Variants in ZSWIM5 observed in about 807,000 individuals in gnomAD.
ZSWIM5 encodes zinc finger SWIM-type containing 5, also known as zinc finger SWIM domain-containing protein 5.
Under a neutral mutation model 119.6 loss-of-function variants are expected in ZSWIM5, and 55 were observed. The ratio of observed to expected loss-of-function variants is 0.46; its 90% CI spans 0.37 to 0.58. The LOEUF is 0.58. Among genes scored for constraint, ZSWIM5 ranks in the 20% least tolerant of loss-of-function variants. The pLI is 0.00. For synonymous variants in ZSWIM5, 537 were observed against 606.9 expected, an observed-to-expected ratio of 0.88 and a Z score of 1.69; for missense variants, 1,193 against 1,512.8, an observed-to-expected ratio of 0.79 and a Z score of 3.51.
chr1:45,121,605 T>C (rs1228403150), intron 1 of ZSWIM5, among the ~76,000 whole-genome samples: 15 of 130,884 alleles, frequency 1.1e-4, no homozygotes, highest in East Asian at 7.3e-4. Context: ...TCTTCTTCTT[T>C]TTTTTTTTTT....
chr1:45,044,804 A>AAT lies in ZSWIM5; in HGVS notation c.1433-1411_1433-1410dup, dbSNP rs1239066301. On this transcript the variant is annotated intron_variant, in intron 5 of 13. Transcript: ENST00000359600. ...ATATATATATAAATATATATATATA[A>AAT]ATATATATATATATATAAATATATA... Among the ~76,000 whole-genome samples, 9 of 2,352 alleles carry AAT rather than the reference A, an allele frequency of 3.8e-3. 3 individuals are homozygous for AAT. The highest frequency in any genetic ancestry group is 0.018 in the Admixed American group (1 of 56). 1.5% of individuals were successfully genotyped at this position (2,352 alleles called of 152,430 possible).
At chr1:45,054,055 G>A (rs1469122291) in intron 4 of ZSWIM5, among the ~76,000 whole-genome samples, 1 of 152,062 alleles carries the variant, frequency 6.6e-6, no homozygotes, top group Non-Finnish European at 1.5e-5. Flanking sequence ...GGCTGAGGTG[G>A]AGGATCACAA....
chr1:45,183,283 A>G (rs952324854), intron 1 of ZSWIM5, among the ~76,000 whole-genome samples: 2 of 151,594 alleles, frequency 1.3e-5, no homozygotes, highest in Admixed American at 6.6e-5. Flanking sequence ...CTAAATGCCC[A>G]CAAGAGAAAG....
chr1:45,087,904 T>G lies in ZSWIM5; in HGVS notation c.929A>C (p.Asn310Thr). The change falls in exon 2 of 14, where the codon AAC becomes ACC. Residue 310 changes from asparagine (N) to threonine (T), a missense_variant. Physicochemically the swap from Asn to Thr is moderately conservative, Grantham distance 65 (BLOSUM62 0). Coordinates refer to ENST00000359600, the MANE Select transcript of ZSWIM5 (RefSeq NM_020883.2). Reference protein sequence around the residue: ...QKLADEILSSNSEINQVNGAP... With the variant: ...QKLADEILSSTSEINQVNGAP... The stretch of plus-strand genomic sequence containing the variant: ...ACCATTCACTTGGTTGATTTCTGAG[T>G]TGGAGGATAGAATCTCATCTGCCAG... The G allele has an allele frequency of 1.2e-6, 2 of 1,609,058 alleles. No individual in the cohort carries two copies. Among genetic ancestry groups the G allele is most frequent in the Non-Finnish European group, 1.7e-6 (2 of 1,177,186 alleles).
rs544994661 is a variant in ZSWIM5 at position 45,088,688 on chromosome 1, C to T, written c.596-451G>A. ...TAGATGTCACAAATGAAAGAGAATC[C>T]AAAATGCCATGAGGAAGGACAGAAG... On this transcript the variant is annotated intron_variant, in intron 1 of 13. Coordinates refer to ENST00000359600, the MANE Select transcript of ZSWIM5 (RefSeq NM_020883.2). This position sits in a 1 kb window ranked among gnomAD's most constrained non-coding sequence, Gnocchi z 4.2. 1.7e-4 allele frequency among the ~76,000 whole-genome samples: 26 copies of T among 151,994 alleles called. No homozygotes were observed. The East Asian group carries it at 4.1e-3, about 24-fold the overall frequency.
intron 1 of ZSWIM5, among the ~76,000 whole-genome samples, chr1:45,106,400 G>A (rs1277711630): frequency 6.8e-6 from 1 of 146,678 alleles, no homozygotes; most frequent in Non-Finnish European, 1.5e-5. Context: ...GGGAAGTGAG[G>A]AGCGCCTCTG....
At chr1:45,099,666 C>A (rs1247102092) in intron 1 of ZSWIM5, among the ~76,000 whole-genome samples, 1 of 152,084 alleles carries the variant, frequency 6.6e-6, no homozygotes, top group Non-Finnish European at 1.5e-5. Context: ...ACTGGCAAAC[C>A]GAATCCAGCA....
intron 1 of ZSWIM5, among the ~76,000 whole-genome samples, chr1:45,186,432 A>C (rs1246654819): frequency 5.9e-5 from 9 of 151,308 alleles, no homozygotes; most frequent in Admixed American, 5.3e-4. Flanking sequence ...TAATAATAAA[A>C]TCCCTTGAAC....
At chr1:45,050,165 G>A (rs907988760) in intron 5 of ZSWIM5, among the ~76,000 whole-genome samples, 7 of 152,062 alleles carry the variant, frequency 4.6e-5, no homozygotes, top group Non-Finnish European at 7.4e-5. Flanking sequence ...GACCAGGCTG[G>A]CCAACATGGC....
intron 5 of ZSWIM5, among the ~76,000 whole-genome samples, chr1:45,045,145 A>C (rs1287027293): frequency 6.6e-6 from 1 of 151,972 alleles, no homozygotes; most frequent in Non-Finnish European, 1.5e-5. Flanking sequence ...TCAACTCTTA[A>C]GGGTGGTATG....
intron 1 of ZSWIM5, among the ~76,000 whole-genome samples, chr1:45,181,438 A>T (rs1409902003): frequency 6.6e-6 from 1 of 152,168 alleles, no homozygotes; most frequent in Non-Finnish European, 1.5e-5. Flanking sequence ...ACTATGTGAA[A>T]AGACCAAATC....
Position 45,205,969 on chromosome 1 carries a change from C to G in ZSWIM5, c.382G>C (p.Gly128Arg). 1 of 1,380,682 alleles carries G rather than the reference C, an allele frequency of 7.2e-7. No individual in the cohort carries two copies. The highest frequency in any genetic ancestry group is 9.4e-7 in the Non-Finnish European group (1 of 1,065,728). The allele number at this position is 1,380,682 out of a possible 1,614,324, so 85.5% of individuals were successfully genotyped here. A position where few individuals can be genotyped will look rare whatever the true frequency, so the allele number is the denominator to read the frequency against. Reference protein sequence around the residue: ...RGGPGAGAAGGAAGASPAEEG... With the variant: ...RGGPGAGAAGRAAGASPAEEG... ...TCGGCCGGCGAAGCCCCCGCGGCGC[C>G]GCCAGCAGCGCCGGCGCCGGGGCCG... Residue 128 changes from glycine (G) to arginine (R), a missense_variant, in exon 1 of 14, where the codon GGC becomes CGC. Gly to Arg is a moderately radical substitution (Grantham distance 125). This residue lies in a region of ZSWIM5 where 232 missense variants were observed against 222.9 expected (regional missense o/e 1.04). Transcript: ENST00000359600.
chr1:45,141,834 G>C (rs1341492054), intron 1 of ZSWIM5, among the ~76,000 whole-genome samples: 1 of 152,160 alleles, frequency 6.6e-6, no homozygotes, highest in Non-Finnish European at 1.5e-5. Context: ...GGGTCTGGCA[G>C]TAATCCCACG....
At chr1:45,106,010 CGGCCGCCCCGTCTGGG>C (rs1645473143) in intron 1 of ZSWIM5, among the ~76,000 whole-genome samples, 2 of 141,746 alleles carry the variant, frequency 1.4e-5, no homozygotes, top group East Asian at 2.2e-4. Context: ...CGCCTCTGCC[CGGCCGCCCCGTCTGGG>C]AGGTGAGGAG....
Position 45,018,871 on chromosome 1 carries a change from A to C in ZSWIM5, c.3141T>G (p.Ala1047=). The change falls in exon 14 of 14, where the codon GCT becomes GCG. Residue 1047 remains alanine (A), a synonymous_variant. Coordinates refer to ENST00000359600, the MANE Select transcript of ZSWIM5 (RefSeq NM_020883.2). The surrounding 1 kb of genome is among the most constrained non-coding windows in gnomAD (Gnocchi z 6.7). ...PAINDVLWAC[A]LSHSLGKNEL... ...CATTCTTGCCCAGAGAGTGGCTGAG[A>C]GCACAAGCCCAGAGCACATCATTGA... is the stretch of plus-strand genomic sequence containing the variant. 6.2e-7 allele frequency: 1 copy of C among 1,614,204 alleles called. No individual in the cohort carries two copies. The highest frequency in any genetic ancestry group is 8.5e-7 in the Non-Finnish European group (1 of 1,180,014).
intron 4 of ZSWIM5, among the ~76,000 whole-genome samples, chr1:45,054,997 T>C (rs1289751129): frequency 6.6e-6 from 1 of 152,054 alleles, no homozygotes; most frequent in East Asian, 1.9e-4. Flanking sequence ...GGTTAATTTT[T>C]TGTATTTTTT....
chr1:45,052,337 T>C (rs1238380823), intron 4 of ZSWIM5, among the ~76,000 whole-genome samples: 15 of 152,174 alleles, frequency 9.9e-5, no homozygotes, highest in Admixed American at 9.8e-4. Context: ...CAGTATGTCT[T>C]AATATAAACA....
At chr1:45,071,537 C>G (rs1645222556) in intron 2 of ZSWIM5, among the ~76,000 whole-genome samples, 2 of 142,620 alleles carry the variant, frequency 1.4e-5, no homozygotes, top group Admixed American at 1.5e-4. Context: ...CTCACTGCAG[C>G]CTTAACCTCC....
intron 1 of ZSWIM5, among the ~76,000 whole-genome samples, chr1:45,143,613 A>G (rs1645743393): frequency 6.8e-6 from 1 of 148,136 alleles, no homozygotes. Context: ...GAATAAGGCA[A>G]TGATGTACAC....
Sources: allele counts gnomAD v4.1 joint callset (sites outside exome capture counted in the v4.1 genomes callset), GRCh38; gene constraint gnomAD v4.1.1; regional missense constraint gnomAD v4.1.1; non-coding constraint Gnocchi (gnomAD v3.1); transcripts MANE v1.5; gene names NCBI Gene and HGNC (gene_info 2026-07-23, HGNC 2026-07-21).